Variants in CNTN5 observed in about 807,000 individuals in gnomAD.
CNTN5 encodes the protein contactin-5.
CNTN5 carries 77 observed loss-of-function variants against 129.1 expected under a neutral mutation model. The observed-to-expected ratio is 0.60, with a 90% CI of 0.50 to 0.72. The LOEUF (loss-of-function observed/expected upper bound fraction) is 0.72. Among genes scored for constraint, CNTN5 ranks in the 30% least tolerant of loss-of-function variants. The pLI, the probability that CNTN5 is intolerant of heterozygous loss-of-function variation, is 0.00. For synonymous variants in CNTN5, 509 were observed against 465.6 expected (o/e 1.09, Z -1.20); for missense variants, 1,478 against 1,328.8 (o/e 1.11, Z -1.75).
intron 3 of CNTN5, among the ~76,000 whole-genome samples, chr11:99,618,604 A>T (rs1382940807): frequency 6.6e-6 from 1 of 152,188 alleles, no homozygotes; most frequent in Non-Finnish European, 1.5e-5. Flanking sequence ...TTCTTTTTCA[A>T]TCATAGTGAT....
chr11:99,468,605 C>A (rs1363339042), intron 2 of CNTN5, among the ~76,000 whole-genome samples: 2 of 151,490 alleles, frequency 1.3e-5, no homozygotes, highest in Admixed American at 1.3e-4. Flanking sequence ...AAATTCTTTC[C>A]ATCTTCCAAG....
At chr11:99,235,122 T>A (rs1351324774) in intron 1 of CNTN5, among the ~76,000 whole-genome samples, 2 of 151,960 alleles carry the variant, frequency 1.3e-5, no homozygotes, top group African/African-American at 4.8e-5. Flanking sequence ...TAAGCAGACA[T>A]TAACATTCAC....
At chr11:100,020,934 TAGAA>T (rs907978061) in intron 9 of CNTN5, among the ~76,000 whole-genome samples, 5 of 152,102 alleles carry the variant, frequency 3.3e-5, no homozygotes, top group African/African-American at 1.2e-4. Context: ...AAAAAATAAA[TAGAA>T]AGATACCCTC....
At chr11:99,341,237 A>G (rs992167467) in intron 2 of CNTN5, among the ~76,000 whole-genome samples, 2 of 152,170 alleles carry the variant, frequency 1.3e-5, no homozygotes, top group Admixed American at 6.5e-5. Context: ...ACAATAAATA[A>G]AACATTGAAT....
At chr11:99,813,506 T>A (rs541258080) in intron 3 of CNTN5, among the ~76,000 whole-genome samples, 1 of 152,282 alleles carries the variant, frequency 6.6e-6, no homozygotes, top group African/African-American at 2.4e-5. Context: ...TTGTTTTGTT[T>A]TGTTTTACTA....
chr11:99,573,874 C>T (rs180999796), intron 3 of CNTN5, among the ~76,000 whole-genome samples: 91 of 152,158 alleles, frequency 6.0e-4, no homozygotes, highest in Non-Finnish European at 1.0e-3. Flanking sequence ...CACCGTCACA[C>T]GTTTCAATTC....
At chr11:100,045,821 G>T (rs558541333) in intron 9 of CNTN5, among the ~76,000 whole-genome samples, 4 of 151,140 alleles carry the variant, frequency 2.6e-5, no homozygotes, top group South Asian at 4.2e-4. Context: ...AATTTTAAAA[G>T]AAATTTAAAT....
chr11:99,157,733 A>G (rs11218580), intron 1 of CNTN5, among the ~76,000 whole-genome samples: 23,674 of 152,112 alleles, frequency 0.16, 1,939 homozygotes, highest in Middle Eastern at 0.21. Flanking sequence ...CTTGAGAAAT[A>G]TTTCATTTCA....
At chr11:99,990,472 A>ACACT (rs1218526128) in intron 8 of CNTN5, among the ~76,000 whole-genome samples, 4 of 151,574 alleles carry the variant, frequency 2.6e-5, no homozygotes, top group African/African-American at 9.7e-5. Context: ...ACACACACAC[A>ACACT]CACACACACA....
chr11:100,221,706 C>T (rs531953216), intron 15 of CNTN5, among the ~76,000 whole-genome samples: 1 of 152,094 alleles, frequency 6.6e-6, no homozygotes, highest in East Asian at 1.9e-4. Context: ...GTGGCAGGTA[C>T]TATGCAAGGT....
chr11:99,738,627 GTGTGTGTGTGTGTGTA>G (rs973000947), intron 3 of CNTN5, among the ~76,000 whole-genome samples: 15 of 150,878 alleles, frequency 9.9e-5, no homozygotes, highest in Admixed American at 3.3e-4. Flanking sequence ...GTGTGTGTGT[GTGTGTGTGTGTGTGTA>G]TGTGTGTGTA....
intron 2 of CNTN5, among the ~76,000 whole-genome samples, chr11:99,513,386 C>T (rs1198249221): frequency 2.0e-5 from 3 of 152,040 alleles, no homozygotes; most frequent in Admixed American, 1.3e-4. Context: ...TAGTTAAGAT[C>T]GTTGATGAAG....
intron 1 of CNTN5, among the ~76,000 whole-genome samples, chr11:99,199,778 G>T (rs1178544953): frequency 1.3e-5 from 2 of 152,170 alleles, no homozygotes; most frequent in Non-Finnish European, 2.9e-5. Flanking sequence ...ATGGGGTGGA[G>T]AAATACACTC....
At chr11:100,250,477 A>T (rs1204827692) in intron 16 of CNTN5, among the ~76,000 whole-genome samples, 1 of 152,050 alleles carries the variant, frequency 6.6e-6, no homozygotes. Flanking sequence ...AGATAAGTGG[A>T]AGTTACAGAA....
chr11:99,215,408 T>C (rs987165384), intron 1 of CNTN5, among the ~76,000 whole-genome samples: 5 of 152,042 alleles, frequency 3.3e-5, no homozygotes, highest in African/African-American at 9.7e-5. Flanking sequence ...AAGAAACAAA[T>C]AGATTTCGGA....
At chr11:99,614,434 T>C (rs1347551926) in intron 3 of CNTN5, among the ~76,000 whole-genome samples, 2 of 152,170 alleles carry the variant, frequency 1.3e-5, no homozygotes, top group Non-Finnish European at 2.9e-5. Flanking sequence ...GAGCCACAAA[T>C]AGCTGACTTA....
intron 2 of CNTN5, among the ~76,000 whole-genome samples, chr11:99,465,946 A>T (rs1395499862): frequency 7.2e-6 from 1 of 138,932 alleles, no homozygotes; most frequent in African/African-American, 2.7e-5. Flanking sequence ...CAGTGGTGCG[A>T]TCTCGGCTCA....
chr11:99,584,844 G>A (rs1419925537), intron 3 of CNTN5, among the ~76,000 whole-genome samples: 3 of 152,200 alleles, frequency 2.0e-5, no homozygotes, highest in Non-Finnish European at 4.4e-5. Flanking sequence ...AAGAACAACA[G>A]ACAAACTGTT....
intron 1 of CNTN5, among the ~76,000 whole-genome samples, chr11:99,090,252 T>G (rs7106854): frequency 0.43 from 64,727 of 151,890 alleles, 13,913 homozygotes; most frequent in Admixed American, 0.51. Context: ...AATTTTTTTC[T>G]TTTAAATGGG....
Sources: gnomAD v4.1 joint callset for allele counts (sites outside exome capture counted in the v4.1 genomes callset) on GRCh38, gnomAD v4.1.1 for gene constraint, MANE v1.5 for transcripts, NCBI Gene and HGNC (gene_info 2026-07-23, HGNC 2026-07-21) for gene names.